The following RAP1GAP2 variants were observed in gnomAD, a reference collection of about 807,000 sequenced individuals.
RAP1GAP2 encodes the protein rap1 GTPase-activating protein 2.
Under a neutral mutation model 95.0 loss-of-function variants are expected in RAP1GAP2, and 27 were observed. That is an observed-to-expected ratio of 0.28 (90% CI 0.21 to 0.39). The LOEUF (loss-of-function observed/expected upper bound fraction) is 0.39, where lower values mean the gene tolerates loss of function less well. Ranked by LOEUF, RAP1GAP2 falls within the 10% of genes least tolerant of loss-of-function variation. The probability of loss-of-function intolerance (pLI) is 1.00; values close to 1 mark genes in which losing one functional copy is unlikely to be tolerated. For synonymous variants in RAP1GAP2, 373 were observed against 380.9 expected, an observed-to-expected ratio of 0.98 and a Z score of 0.24; for missense variants, 771 against 970.0, an observed-to-expected ratio of 0.79 and a Z score of 2.72.
intron 2 of RAP1GAP2, among the ~76,000 whole-genome samples, chr17:2,849,771 A>T (rs564644963): frequency 2.6e-4 from 40 of 151,814 alleles, no homozygotes; most frequent in Non-Finnish European, 5.2e-4. Context: ...GTGAGGTGAG[A>T]CCTGCAGGAA....
intron 2 of RAP1GAP2, among the ~76,000 whole-genome samples, chr17:2,872,150 G>T (rs1039747443): frequency 4.4e-5 from 6 of 136,160 alleles, no homozygotes; most frequent in Non-Finnish European, 6.2e-5. Context: ...GAAGGTGGAG[G>T]TTGCAGTAAG....
chr17:2,808,224 G>C (rs1394414639), intron 2 of RAP1GAP2, among the ~76,000 whole-genome samples: 8 of 152,150 alleles, frequency 5.3e-5, no homozygotes, highest in Non-Finnish European at 1.0e-4. Flanking sequence ...TAATAGCATG[G>C]GGCTGGAGGG....
At chr17:2,776,788 G>C (rs2068511032), upstream of RAP1GAP2, among the ~76,000 whole-genome samples, 1 of 150,810 alleles carries the variant, frequency 6.6e-6, no homozygotes, top group African/African-American at 2.4e-5. Context: ...GTGCGCGCGT[G>C]CGCGGCAGGA....
chr17:2,888,046 A>G (rs2073564451), intron 2 of RAP1GAP2, among the ~76,000 whole-genome samples: 2 of 152,184 alleles, frequency 1.3e-5, no homozygotes, highest in Admixed American at 1.3e-4. Context: ...CCCAGGGAAT[A>G]GCAGGAGCTT....
At chr17:2,982,502 G>A (rs1944545004) in intron 10 of RAP1GAP2, among the ~76,000 whole-genome samples, 1 of 152,172 alleles carries the variant, frequency 6.6e-6, no homozygotes, top group Non-Finnish European at 1.5e-5. Context: ...GTATCCATCT[G>A]CAGTGGCTGA....
chr17:2,854,217 C>A, intron 2 of RAP1GAP2: 1 of 908,486 alleles, frequency 1.1e-6, no homozygotes, highest in Non-Finnish European at 1.3e-6. Context: ...AAAAAGCCTC[C>A]TCTCCAGGTA....
In RAP1GAP2 at chr17:2,864,934, C is replaced by T. The variant is rs1016273935; in HGVS notation, c.81-40350C>T. On this transcript the variant is annotated intron_variant, in intron 2 of 24. Transcript: ENST00000254695. ...AGAGACAGAAACACTCGTGGATCCC[C>T]GCTCTGGGCCTGCACCTGCCTGGTA... Among the ~76,000 whole-genome samples, 14 of 152,200 alleles carry T rather than the reference C, an allele frequency of 9.2e-5. No individual in the cohort carries two copies. In the South Asian group the frequency reaches 1.4e-3, roughly 16 times the overall value.
chr17:2,910,033 C>T (rs2042320687), intron 3 of RAP1GAP2, among the ~76,000 whole-genome samples: 1 of 152,196 alleles, frequency 6.6e-6, no homozygotes, highest in Non-Finnish European at 1.5e-5. Flanking sequence ...TTTAAAACCA[C>T]AATCCTCACC....
intron 3 of RAP1GAP2, among the ~76,000 whole-genome samples, chr17:2,923,041 A>ATT (rs35642475): frequency 3.2e-5 from 4 of 124,768 alleles, no homozygotes; most frequent in South Asian, 2.7e-4. Flanking sequence ...ACACCTGGCT[A>ATT]TTTTTTTTTT....
intron 2 of RAP1GAP2, among the ~76,000 whole-genome samples, chr17:2,865,793 T>C (rs111397242): frequency 6.6e-6 from 1 of 152,096 alleles, no homozygotes; most frequent in Non-Finnish European, 1.5e-5. Context: ...GGCTTCCACA[T>C]TGCAGCTCCT....
At chr17:2,891,380 A>C (rs35646278) in intron 2 of RAP1GAP2, among the ~76,000 whole-genome samples, 1 of 151,700 alleles carries the variant, frequency 6.6e-6, no homozygotes, top group Admixed American at 6.6e-5. Context: ...AGCTCAACCA[A>C]TCCTCCCGCC....
intron 3 of RAP1GAP2, among the ~76,000 whole-genome samples, chr17:2,914,966 A>T (rs111966788): frequency 6.6e-6 from 1 of 150,716 alleles, no homozygotes; most frequent in Non-Finnish European, 1.5e-5. Flanking sequence ...TAATTGTTTT[A>T]TTCTCAGTAA....
intron 2 of RAP1GAP2, among the ~76,000 whole-genome samples, chr17:2,861,657 G>T (rs2072398751): frequency 2.0e-5 from 3 of 150,714 alleles, no homozygotes; most frequent in Non-Finnish European, 3.0e-5. Flanking sequence ...TTTTGGGGGG[G>T]GGGACGGAGT....
At chr17:2,999,109 T>C (rs1319752481) in intron 14 of RAP1GAP2, among the ~76,000 whole-genome samples, 1 of 152,130 alleles carries the variant, frequency 6.6e-6, no homozygotes, top group Admixed American at 6.5e-5. Flanking sequence ...GTCACGGGTC[T>C]GTCAGATGGC....
chr17:2,814,754 C>T (rs966924528), intron 2 of RAP1GAP2, among the ~76,000 whole-genome samples: 2 of 152,292 alleles, frequency 1.3e-5, no homozygotes, highest in Middle Eastern at 3.4e-3. Flanking sequence ...CCCCAACACC[C>T]AGCTCATTCT....
chr17:2,761,139 G>C (rs1247617788), intron 1 of RAP1GAP2, among the ~76,000 whole-genome samples: 1 of 151,122 alleles, frequency 6.6e-6, no homozygotes, highest in African/African-American at 2.4e-5. Context: ...ATGTTTAGTA[G>C]GGTTGAGGTT....
chr17:2,887,096 GA>G (rs1464894354), intron 2 of RAP1GAP2, among the ~76,000 whole-genome samples: 1 of 151,852 alleles, frequency 6.6e-6, no homozygotes, highest in Non-Finnish European at 1.5e-5. Flanking sequence ...TTGGAGACAG[GA>G]TCTCGCTCTG....
At chr17:2,908,368 G>A (rs1053694978) in intron 3 of RAP1GAP2, among the ~76,000 whole-genome samples, 7 of 152,170 alleles carry the variant, frequency 4.6e-5, no homozygotes, top group African/African-American at 1.7e-4. Context: ...GAGCACTGGA[G>A]TCATTGACGA....
At chr17:3,031,148 G>A (rs908786058) in intron 23 of RAP1GAP2, 150 bp downstream of exon 23, 56 of 872,226 alleles carry the variant, frequency 6.4e-5, no homozygotes, top group Admixed American at 5.3e-4. Context: ...TCCAGCAGGT[G>A]CAGGCCGTGT....
Sources: gnomAD v4.1 joint callset for allele counts (sites outside exome capture counted in the v4.1 genomes callset) on GRCh38, gnomAD v4.1.1 for gene constraint, MANE v1.5 for transcripts, NCBI Gene and HGNC (gene_info 2026-07-23, HGNC 2026-07-21) for gene names.